ALMS1: variants seen among roughly 807,000 people sequenced by gnomAD.
The protein encoded by ALMS1 is centrosome-associated protein ALMS1.
A neutral mutation model predicts 352.2 loss-of-function variants in ALMS1; 271 were observed. That is an observed-to-expected ratio of 0.77 (90% CI 0.70 to 0.85). ALMS1 has a LOEUF of 0.85. ALMS1 is among the 40% of genes least tolerant of loss of function. The probability of loss-of-function intolerance (pLI) is 0.00; values close to 1 mark genes in which losing one functional copy is unlikely to be tolerated. For missense variants in ALMS1, 5,445 were observed against 4,870.7 expected (o/e 1.12, Z -3.51); for synonymous variants, 1,865 against 1,761.2 (o/e 1.06, Z -1.48).
chr2:73,572,989 G>A lies in ALMS1; in HGVS notation c.11112G>A (p.Gly3704=). 6.2e-7 allele frequency: 1 copy of A among 1,614,086 alleles called. No homozygotes were observed. The highest frequency in any genetic ancestry group is 8.5e-7 in the Non-Finnish European group (1 of 1,180,008). Reference sequence around the variant, plus strand: ...AGGTGCTTTCTCATCATCGAGCTGGGAGGTCTAATCAAATTAAAATTGAAC... The same window carrying A: ...AGGTGCTTTCTCATCATCGAGCTGGAAGGTCTAATCAAATTAAAATTGAAC... ...KSKVLSHHRA[G]RSNQIKIEQI... Residue 3704 remains glycine (G), a synonymous_variant, in exon 16 of 23, where the codon GGG becomes GGA. Coordinates refer to ENST00000613296, the MANE Select transcript of ALMS1 (RefSeq NM_001378454.1).
At chr2:73,522,571 G>A (rs1343627435) in intron 11 of ALMS1, among the ~76,000 whole-genome samples, 1 of 149,718 alleles carries the variant, frequency 6.7e-6, no homozygotes, top group Non-Finnish European at 1.5e-5. Context: ...CCGGGTTCAA[G>A]GATTCTCCTG....
Position 73,519,794 on chromosome 2 carries a change from A to T in ALMS1, c.9559A>T (p.Thr3187Ser). 1.2e-6 allele frequency: 2 copies of T among 1,614,002 alleles called. No individual in the cohort carries two copies. Among genetic ancestry groups the T allele is most frequent in the Non-Finnish European group, 1.7e-6 (2 of 1,179,948 alleles). ...FADRLPEKMKTPLSAFSEKLS... is the reference protein window; with the variant it reads ...FADRLPEKMKSPLSAFSEKLS... ...GGTCAGATTACCAGAGAAGATGAAG[A>T]CCCCACTTTCTGCTTTCTCTGAAAA... Residue 3187 changes from threonine to serine, a missense_variant, in exon 11 of 23, where the codon ACC becomes TCC. Coordinates refer to ENST00000613296, the MANE Select transcript of ALMS1 (RefSeq NM_001378454.1).
At chr2:73,419,557 A>G (rs560864379) in intron 3 of ALMS1, among the ~76,000 whole-genome samples, 2 of 152,302 alleles carry the variant, frequency 1.3e-5, no homozygotes, top group South Asian at 4.1e-4. Flanking sequence ...GAAGGCAGAA[A>G]GGTGATAACT....
rs905301935 is a variant in ALMS1, at chr2:73,385,929, G to GAGA, written c.63_64insAAG (p.Glu21_Glu22insLys). 2 of 1,060,834 alleles carry GAGA rather than the reference G, an allele frequency of 1.9e-6. No homozygotes were observed. Among genetic ancestry groups the GAGA allele is most frequent in the East Asian group, 2.6e-5 (1 of 38,546 alleles). The allele number at this position is 1,060,834 out of a possible 1,614,324, so 65.7% of individuals were successfully genotyped here. A position where few individuals can be genotyped will look rare whatever the true frequency, so the allele number is the denominator to read the frequency against. ...GGAGGAGGAGGAGGAGGAGGAGGAGGAGGAGGAGGAGGAAGAGGAGGAGGC... is the reference window on the plus strand; with the variant it reads ...GGAGGAGGAGGAGGAGGAGGAGGAGGAGAAGGAGGAGGAGGAAGAGGAGGAGGC... On this transcript the variant is annotated inframe_insertion, in exon 1 of 23. Transcript: ENST00000613296.
Position 73,450,978 on chromosome 2 carries a change from T to C in ALMS1, c.4451T>C (p.Val1484Ala). ...AGCTCATTTGGAGAGAAGCCCATTG[T>C]TATCTACAAACAGGCCTTTCCAGAG... ...PSSSFGEKPI[V>A]IYKQAFPEGH... The change falls in exon 8 of 23, where the codon GTT (valine) becomes GCT (alanine). Residue 1484 changes from valine (V) to alanine (A), a missense_variant. Val to Ala is a moderately conservative substitution (Grantham distance 64). Transcript: ENST00000613296. 6.2e-7 allele frequency: 1 copy of C among 1,613,772 alleles called. No individual in the cohort carries two copies. The highest frequency in any genetic ancestry group is 8.5e-7 in the Non-Finnish European group (1 of 1,179,910).
chr2:73,602,130 G>C, intron 19 of ALMS1, 55 bp from the exon 20 acceptor site: 1 of 1,546,424 alleles, frequency 6.5e-7, no homozygotes, highest in South Asian at 1.2e-5. Context: ...CATATGGAGA[G>C]TAGATTGCAT....
chr2:73,476,404 G>A (rs1445221987), intron 9 of ALMS1, among the ~76,000 whole-genome samples: 1 of 151,720 alleles, frequency 6.6e-6, no homozygotes, highest in East Asian at 1.9e-4. Flanking sequence ...ACTTCTTTTG[G>A]GTACAGACCC....
chr2:73,578,007 C>T (rs1573034922), intron 16 of ALMS1, among the ~76,000 whole-genome samples: 1 of 152,132 alleles, frequency 6.6e-6, no homozygotes, highest in South Asian at 2.1e-4. Context: ...GTGGAACTAT[C>T]TATTTCTCCA....
At chr2:73,569,201 G>C (rs1335608196) in intron 15 of ALMS1, among the ~76,000 whole-genome samples, 1 of 151,604 alleles carries the variant, frequency 6.6e-6, no homozygotes, top group Non-Finnish European at 1.5e-5. Context: ...TTTTAGTAGA[G>C]ATGGGGTTTC....
At chr2:73,455,927 GTTTAT>G (rs1558652641) in intron 9 of ALMS1, among the ~76,000 whole-genome samples, 1 of 152,036 alleles carries the variant, frequency 6.6e-6, no homozygotes, top group African/African-American at 2.4e-5. Context: ...ATTTTCAAAT[GTTTAT>G]TTTAAATACT....
intron 1 of ALMS1, among the ~76,000 whole-genome samples, chr2:73,404,936 G>A (rs1670944140): frequency 1.4e-5 from 1 of 69,592 alleles, no homozygotes; most frequent in South Asian, 3.5e-4. Flanking sequence ...TTTTGAGACA[G>A]GGTCTTACTT....
chr2:73,451,101 A>C lies in ALMS1; in HGVS notation c.4574A>C (p.Gln1525Pro), dbSNP rs761249526. The change falls in exon 8 of 23, where the codon CAA (glutamine) becomes CCA (proline). Residue 1525 changes from glutamine (Q) to proline (P), a missense_variant. By Grantham distance (76) the Gln-to-Pro change is moderately conservative (BLOSUM62 -1). Coordinates refer to ENST00000613296, the MANE Select transcript of ALMS1 (RefSeq NM_001378454.1). ...ACTATAACCTCTCCTTCCTACTCAC[A>C]ACATAGAGCAAAGTCTGGCAGTTTC... ...APTITSPSYS[Q>P]HRAKSGSFYQ... The C allele has an allele frequency of 5.0e-6, 8 of 1,612,798 alleles. No individual in the cohort carries two copies. The African/African-American group carries it at 1.1e-4, about 22-fold the overall frequency.
chr2:73,390,013 T>C (rs1311090614), intron 1 of ALMS1, among the ~76,000 whole-genome samples: 3 of 152,158 alleles, frequency 2.0e-5, no homozygotes, highest in Non-Finnish European at 4.4e-5. Flanking sequence ...CTATGGGTAA[T>C]AGAAAATCTT....
At chr2:73,575,969 T>C (rs568560587) in intron 16 of ALMS1, among the ~76,000 whole-genome samples, 37 of 152,334 alleles carry the variant, frequency 2.4e-4, no homozygotes, top group African/African-American at 8.4e-4. Flanking sequence ...TTTTAGGTCT[T>C]TGATCCATTT....
chr2:73,398,229 T>C (rs771567853), intron 1 of ALMS1, among the ~76,000 whole-genome samples: 1 of 152,228 alleles, frequency 6.6e-6, no homozygotes, highest in Non-Finnish European at 1.5e-5. Context: ...TCCAGCACCA[T>C]TTGTTGAGAA....
chr2:73,451,839 A>G lies in ALMS1; in HGVS notation c.5312A>G (p.Gln1771Arg), dbSNP rs1432436905. The part of the protein sequence containing the change: ...HTEKPNISYQ[Q>R]ELPDSHLTEE... ...GAGAAGCCTAATATTTCTTACCAGC[A>G]AGAGTTGCCAGATAGTCATCTAACT... Residue 1771 changes from glutamine to arginine, a missense_variant, in exon 8 of 23, where the codon CAA becomes CGA. Transcript: ENST00000613296. 2 of 1,613,938 alleles carry G rather than the reference A, an allele frequency of 1.2e-6. No homozygotes were observed. The highest frequency in any genetic ancestry group is 8.5e-7 in the Non-Finnish European group (1 of 1,179,972).
In ALMS1 at chr2:73,572,633, G is replaced by T; in HGVS notation, c.10756G>T (p.Val3586Phe). Residue 3586 changes from valine to phenylalanine, a missense_variant, in exon 16 of 23, where the codon GTC becomes TTC. Coordinates refer to ENST00000613296, the MANE Select transcript of ALMS1 (RefSeq NM_001378454.1). ...TAGTGATCCACAAAGGGATCAGAAG[G>T]TCACCCCAGAGCAAACAACTCAGCA... ...QISDPQRDQK[V>F]TPEQTTQHTV... 2.5e-6 allele frequency: 4 copies of T among 1,614,020 alleles called. No homozygotes were observed. The highest frequency in any genetic ancestry group is 3.4e-6 in the Non-Finnish European group (4 of 1,179,998).
In ALMS1 at chr2:73,422,605, T is replaced by G. The variant is rs4852305; in HGVS notation, c.647-252T>G. Among the ~76,000 whole-genome samples the G allele has an allele frequency of 0.87, 132,745 of 152,064 alleles. 58,014 individuals are homozygous for G. Among genetic ancestry groups the G allele is most frequent in the Admixed American group, 0.92 (14,038 of 15,276 alleles). ...TTTTGTAATCATGTTTCCTCACCTATAAGATATATATAATAATACCTATCT... is the reference window on the plus strand; with the variant it reads ...TTTTGTAATCATGTTTCCTCACCTAGAAGATATATATAATAATACCTATCT... On this transcript the variant is annotated intron_variant, in intron 3 of 22. Transcript: ENST00000613296.
intron 9 of ALMS1, chr2:73,458,612 A>G (rs938427579): frequency 5.9e-5 from 9 of 152,268 alleles, no homozygotes; most frequent in Non-Finnish European, 1.2e-4. Context: ...AGAGGTATTG[A>G]ATTAAATATC....
Sources: gnomAD v4.1 joint callset for allele counts (sites outside exome capture counted in the v4.1 genomes callset) on GRCh38, gnomAD v4.1.1 for gene constraint, MANE v1.5 for transcripts, NCBI Gene and HGNC (gene_info 2026-07-23, HGNC 2026-07-21) for gene names.